Variants in MAP4K4 observed in about 807,000 individuals in gnomAD.
MAP4K4 encodes mitogen-activated protein kinase kinase kinase kinase 4.
In MAP4K4, 38 loss-of-function variants were observed where a neutral mutation model predicts 189.6. The observed-to-expected ratio is 0.20, with a 90% CI of 0.15 to 0.26. The LOEUF is 0.26. Ranked by LOEUF, MAP4K4 falls within the 10% of genes least tolerant of loss-of-function variation. The probability of loss-of-function intolerance (pLI) is 1.00; values close to 1 mark genes in which losing one functional copy is unlikely to be tolerated. For missense variants in MAP4K4, 1,054 were observed against 1,726.9 expected, an observed-to-expected ratio of 0.61 and a Z score of 6.91; for synonymous variants, 610 against 624.3, an observed-to-expected ratio of 0.98 and a Z score of 0.34.
chr2:101,846,671 G>A (rs1208704620), intron 12 of MAP4K4, among the ~76,000 whole-genome samples: 2 of 152,170 alleles, frequency 1.3e-5, no homozygotes, highest in Non-Finnish European at 2.9e-5. Flanking sequence ...CAACAATTTT[G>A]TGCTTGTCAT....
intron 2 of MAP4K4, among the ~76,000 whole-genome samples, chr2:101,709,485 G>A (rs1403392873): frequency 6.6e-6 from 1 of 152,210 alleles, no homozygotes; most frequent in African/African-American, 2.4e-5. Context: ...TTACAGGCGT[G>A]AGCCACTGTG....
At chr2:101,758,534 G>A (rs1157403027) in intron 2 of MAP4K4, among the ~76,000 whole-genome samples, 8 of 152,140 alleles carry the variant, frequency 5.3e-5, no homozygotes, top group Admixed American at 5.2e-4. Flanking sequence ...GCATCTGTGG[G>A]AATTGACTAA....
chr2:101,715,530 A>G (rs891807235), intron 2 of MAP4K4, among the ~76,000 whole-genome samples: 1 of 152,228 alleles, frequency 6.6e-6, no homozygotes, highest in African/African-American at 2.4e-5. Flanking sequence ...GAAGTAGTTC[A>G]GATTTTTTTG....
intron 24 of MAP4K4, 26 bp downstream of exon 24, chr2:101,871,711 C>T: frequency 6.5e-7 from 1 of 1,531,604 alleles, no homozygotes; most frequent in Non-Finnish European, 8.7e-7. Flanking sequence ...CAGCTGGCTG[C>T]TTTCCTGGGG....
exon 25 of MAP4K4, chr2:101,873,675 A>C (rs1181090802): frequency 6.2e-7 from 1 of 1,611,680 alleles, no homozygotes; most frequent in African/African-American, 1.3e-5. Flanking sequence ...ACACTCCAGA[A>C]ACACAAATCT....
At chr2:101,796,045 T>C (rs1470560833) in intron 3 of MAP4K4, among the ~76,000 whole-genome samples, 1 of 152,208 alleles carries the variant, frequency 6.6e-6, no homozygotes, top group Non-Finnish European at 1.5e-5. Context: ...TGGTGTTTTA[T>C]GTCAGATGGG....
At chr2:101,789,962 T>C (rs1012597473) in intron 2 of MAP4K4, among the ~76,000 whole-genome samples, 3 of 152,288 alleles carry the variant, frequency 2.0e-5, no homozygotes, top group East Asian at 3.9e-4. Context: ...GTAAGAAACC[T>C]GTCTCCCTCA....
chr2:101,892,193 G>C (rs920684622), exon 33 of MAP4K4: 1 of 147,748 alleles, frequency 6.8e-6, no homozygotes, highest in African/African-American at 2.5e-5. Flanking sequence ...CAAACCACAT[G>C]TTTATTTTTT....
intron 2 of MAP4K4, among the ~76,000 whole-genome samples, chr2:101,722,606 A>G (rs185287613): frequency 6.6e-6 from 1 of 152,196 alleles, no homozygotes; most frequent in Non-Finnish European, 1.5e-5. Flanking sequence ...AAAGTTTTCA[A>G]CTAGGATTAT....
intron 2 of MAP4K4, among the ~76,000 whole-genome samples, chr2:101,769,447 G>T (rs1449895177): frequency 6.6e-6 from 1 of 152,178 alleles, no homozygotes; most frequent in Non-Finnish European, 1.5e-5. Flanking sequence ...GTTAACGGGA[G>T]TGGGGGAGAA....
At chr2:101,818,325 C>T (rs182744699) in intron 3 of MAP4K4, among the ~76,000 whole-genome samples, 11 of 152,252 alleles carry the variant, frequency 7.2e-5, no homozygotes, top group African/African-American at 2.6e-4. Context: ...TCATTTTATC[C>T]GTCCTCTCTC....
At chr2:101,704,956 G>A (rs1397155962) in intron 2 of MAP4K4, among the ~76,000 whole-genome samples, 2 of 152,122 alleles carry the variant, frequency 1.3e-5, no homozygotes. Context: ...TTGTTATGGA[G>A]CAGGTTCAGT....
chr2:101,835,539 G>C (rs2096725493), intron 8 of MAP4K4, among the ~76,000 whole-genome samples: 1 of 152,282 alleles, frequency 6.6e-6, no homozygotes, highest in Admixed American at 6.5e-5. Context: ...GCCTTTGCAA[G>C]CCATATCTTA....
chr2:101,819,262 C>CA (rs36115056), intron 3 of MAP4K4, among the ~76,000 whole-genome samples: 42,861 of 151,970 alleles, frequency 0.28, 6,797 homozygotes, highest in South Asian at 0.49. Context: ...ATGCAACCAC[C>CA]AAACATATGT....
intron 3 of MAP4K4, among the ~76,000 whole-genome samples, chr2:101,809,296 C>T (rs2095259281): frequency 6.6e-6 from 1 of 151,882 alleles, no homozygotes; most frequent in South Asian, 2.1e-4. Context: ...GAAGAACAGG[C>T]CACTGTAAAT....
In MAP4K4 at chr2:101,887,078, T is replaced by G; in HGVS notation, c.3622-10T>G. The G allele has an allele frequency of 1.3e-6, 2 of 1,528,682 alleles. No homozygotes were observed. Among genetic ancestry groups the G allele is most frequent in the Non-Finnish European group, 1.8e-6 (2 of 1,138,512 alleles). The allele number at this position is 1,528,682 out of a possible 1,614,324, so 94.7% of individuals were successfully genotyped here. A position where few individuals can be genotyped will look rare whatever the true frequency, so the allele number is the denominator to read the frequency against. On this transcript the variant is annotated splice_polypyrimidine_tract_variant and intron_variant, in intron 29 of 32. Transcript: ENST00000324219. ...TTCATCTTCTCACTTCTCTTATGGC[T>G]TCTTTGCAGTCATTTGGAGAATTGG...
chr2:101,798,168 C>T (rs532261933), intron 3 of MAP4K4, among the ~76,000 whole-genome samples: 1 of 151,890 alleles, frequency 6.6e-6, no homozygotes, highest in African/African-American at 2.4e-5. Flanking sequence ...ATGTCTCAGC[C>T]TCCCAAAGTG....
At chr2:101,715,423 T>C (rs920064726) in intron 2 of MAP4K4, among the ~76,000 whole-genome samples, 1 of 152,238 alleles carries the variant, frequency 6.6e-6, no homozygotes, top group African/African-American at 2.4e-5. Context: ...AAAGTTTTTC[T>C]TGTACTGAAG....
chr2:101,819,091 C>T (rs2095883404), intron 3 of MAP4K4, among the ~76,000 whole-genome samples: 2 of 152,152 alleles, frequency 1.3e-5, no homozygotes, highest in Non-Finnish European at 2.9e-5. Context: ...TTTGCCAACT[C>T]AACTTTCTTT....
Sources: gnomAD v4.1 joint callset for allele counts (sites outside exome capture counted in the v4.1 genomes callset) on GRCh38, gnomAD v4.1.1 for gene constraint, MANE v1.5 for transcripts, NCBI Gene and HGNC (gene_info 2026-07-23, HGNC 2026-07-21) for gene names.